DERA: variants seen among roughly 807,000 people sequenced by gnomAD.
DERA encodes 2-deoxy-D-ribose 5-phosphate aldolase.
DERA carries 15 observed loss-of-function variants against 41.1 expected under a neutral mutation model. That is an observed-to-expected ratio of 0.37 (90% CI 0.24 to 0.56). DERA has a LOEUF of 0.56. Among genes scored for constraint, DERA ranks in the 20% least tolerant of loss-of-function variants. The probability of loss-of-function intolerance (pLI) is 0.81; values close to 1 mark genes in which losing one functional copy is unlikely to be tolerated. For missense variants in DERA, 396 were observed against 403.4 expected, an observed-to-expected ratio of 0.98 and a Z score of 0.16; for synonymous variants, 139 against 137.4, an observed-to-expected ratio of 1.01 and a Z score of -0.08.
intron 1 of DERA, among the ~76,000 whole-genome samples, chr12:15,956,351 T>G (rs896645016): frequency 2.0e-5 from 3 of 152,236 alleles, no homozygotes; most frequent in Non-Finnish European, 4.4e-5. Context: ...AAATAATTTG[T>G]TTTTTCTTTT....
chr12:15,916,842 G>T (rs964491215), intron 1 of DERA, among the ~76,000 whole-genome samples: 1 of 152,100 alleles, frequency 6.6e-6, no homozygotes, highest in Non-Finnish European at 1.5e-5. Context: ...GAACTCCTGG[G>T]CTCAAGCAGT....
intron 1 of DERA, among the ~76,000 whole-genome samples, chr12:15,917,861 A>G (rs1948212023): frequency 6.6e-6 from 1 of 152,134 alleles, no homozygotes; most frequent in Non-Finnish European, 1.5e-5. Context: ...GGATAACGAT[A>G]TGAGAAGCCA....
At chr12:16,015,248 G>T (rs190142925) in intron 6 of DERA, among the ~76,000 whole-genome samples, 2 of 152,268 alleles carry the variant, frequency 1.3e-5, no homozygotes, top group African/African-American at 4.8e-5. Flanking sequence ...AGAATGATAG[G>T]GTTAGGCTTT....
rs1000920066 is a variant in DERA at position 15,976,982 on chromosome 12, A to G, written c.509-5326A>G. On this transcript the variant is annotated intron_variant, in intron 5 of 8. Coordinates refer to ENST00000428559, the MANE Select transcript of DERA (RefSeq NM_015954.4). This position sits in a 1 kb window ranked among gnomAD's most constrained non-coding sequence, Gnocchi z 4.1. ...GCAATTTAGAGATCATTTTTAGTGT[A>G]TTATACAAAATTTAGTATCTTATAT... Among the ~76,000 whole-genome samples, 3 of 152,210 alleles carry G rather than the reference A, an allele frequency of 2.0e-5. No individual in the cohort carries two copies. The highest frequency in any genetic ancestry group is 3.2e-3 in the Middle Eastern group (1 of 316).
Position 15,965,604 on chromosome 12 carries a change from C to T in DERA, c.508+2657C>T, listed in dbSNP as rs543176042. 2.0e-5 allele frequency among the ~76,000 whole-genome samples: 3 copies of T among 152,132 alleles called. No homozygotes were observed. Among genetic ancestry groups the T allele is most frequent in the African/African-American group, 7.2e-5 (3 of 41,500 alleles). ...GAGTCCACAGTTTAGGGTATGAATT[C>T]GAGGAGACTGGAGTTTGGGGGTGGG... On this transcript the variant is annotated intron_variant, in intron 5 of 8. Coordinates refer to ENST00000428559, the MANE Select transcript of DERA (RefSeq NM_015954.4). This position sits in a 1 kb window ranked among gnomAD's most constrained non-coding sequence, Gnocchi z 4.1.
At chr12:15,929,190 A>G (rs1948309661) in intron 1 of DERA, among the ~76,000 whole-genome samples, 1 of 152,226 alleles carries the variant, frequency 6.6e-6, no homozygotes, top group African/African-American at 2.4e-5. Flanking sequence ...GAGTGGGTAC[A>G]TCTAAGGACT....
chr12:15,948,211 G>T (rs780087871), intron 1 of DERA, among the ~76,000 whole-genome samples: 1 of 152,128 alleles, frequency 6.6e-6, no homozygotes, highest in Admixed American at 6.6e-5. Context: ...GAGTATCTTT[G>T]TGGCGTTCTC....
chr12:15,972,594 T>A lies in DERA; in HGVS notation c.508+9647T>A, dbSNP rs1233058890. On this transcript the variant is annotated intron_variant, in intron 5 of 8. Coordinates refer to ENST00000428559, the MANE Select transcript of DERA (RefSeq NM_015954.4). The surrounding 1 kb of genome is among the most constrained non-coding windows in gnomAD (Gnocchi z 4.4). Reference sequence around the variant, plus strand: ...ATTTTCTCCAATTCCTGCCTCATGATGTGTCCCAGGGGCATTTCACGCATA... The same window carrying A: ...ATTTTCTCCAATTCCTGCCTCATGAAGTGTCCCAGGGGCATTTCACGCATA... The A allele has an allele frequency of 5.6e-6, 1 of 177,882 alleles. No individual in the cohort carries two copies. Among genetic ancestry groups the A allele is most frequent in the Non-Finnish European group, 1.2e-5 (1 of 81,332 alleles). The allele number at this position is 177,882 out of a possible 1,614,324, so 11.0% of individuals were successfully genotyped here.
chr12:16,027,727 G>C (rs866370532), intron 6 of DERA, among the ~76,000 whole-genome samples: 19 of 152,114 alleles, frequency 1.2e-4, no homozygotes, highest in Non-Finnish European at 5.9e-5. Flanking sequence ...GTTGTTTTGA[G>C]CCACCAAGTT....
At chr12:15,971,845 G>T in intron 5 of DERA, 1 of 281,056 alleles carries the variant, frequency 3.6e-6, no homozygotes, top group Non-Finnish European at 7.2e-6. Context: ...GATAATTCAG[G>T]AACCATTGCT....
At position 15,967,448 on chromosome 12, in the gene DERA, T is replaced by G. The variant is rs753994505; in HGVS notation, c.508+4501T>G. On this transcript the variant is annotated intron_variant, in intron 5 of 8. Coordinates refer to ENST00000428559, the MANE Select transcript of DERA (RefSeq NM_015954.4). The surrounding 1 kb of genome is among the most constrained non-coding windows in gnomAD (Gnocchi z 4.9). ...AACAAACAAACAAACAAACAAAAAC[T>G]ATTAAAAAGTGTTTTCATTTCCCTG... 1.3e-5 allele frequency among the ~76,000 whole-genome samples: 2 copies of G among 152,158 alleles called. No homozygotes were observed. Among genetic ancestry groups the G allele is most frequent in the African/African-American group, 2.4e-5 (1 of 41,448 alleles).
In DERA at chr12:16,021,791, C is replaced by G. The variant is rs1335946570; in HGVS notation, c.638-10751C>G. ...TGAGGCCTATAGCGCACCCCTCCCC[C>G]TTTTTTGGCTGATTTCTCCCTTTGG... On this transcript the variant is annotated intron_variant, in intron 6 of 8. Coordinates refer to ENST00000428559, the MANE Select transcript of DERA (RefSeq NM_015954.4). This position sits in a 1 kb window ranked among gnomAD's most constrained non-coding sequence, Gnocchi z 5.3. 1.3e-5 allele frequency among the ~76,000 whole-genome samples: 2 copies of G among 152,188 alleles called. No homozygotes were observed. The highest frequency in any genetic ancestry group is 6.5e-5 in the Admixed American group (1 of 15,288).
At chr12:15,963,076 T>C in intron 5 of DERA, 129 bp downstream of exon 5, 1 of 1,298,612 alleles carries the variant, frequency 7.7e-7, no homozygotes, top group Non-Finnish European at 1.0e-6. Flanking sequence ...ATGGTGAGTT[T>C]AGGAGAAAGC....
intron 5 of DERA, among the ~76,000 whole-genome samples, chr12:15,975,835 G>A (rs896266859): frequency 5.9e-5 from 9 of 152,214 alleles, no homozygotes; most frequent in African/African-American, 1.2e-4. Context: ...TGTTTCAGGC[G>A]TATCTTTGAC....
At chr12:15,987,475 G>C (rs1470623629) in intron 6 of DERA, among the ~76,000 whole-genome samples, 1 of 151,960 alleles carries the variant, frequency 6.6e-6, no homozygotes, top group Non-Finnish European at 1.5e-5. Flanking sequence ...GACCTCAGGT[G>C]ATCCGCCTAC....
At chr12:15,934,643 A>C (rs1007576779) in intron 1 of DERA, among the ~76,000 whole-genome samples, 2 of 152,182 alleles carry the variant, frequency 1.3e-5, no homozygotes, top group African/African-American at 4.8e-5. Flanking sequence ...TAGTAAATTC[A>C]AAACAAAATG....
chr12:16,028,946 T>TA (rs1043941807), intron 6 of DERA, among the ~76,000 whole-genome samples: 32 of 152,186 alleles, frequency 2.1e-4, no homozygotes, highest in African/African-American at 4.3e-4. Flanking sequence ...TGAGTCATAC[T>TA]AAAAAAAATC....
At chr12:15,960,937 G>GC (rs1948583290) in intron 4 of DERA, among the ~76,000 whole-genome samples, 1 of 152,174 alleles carries the variant, frequency 6.6e-6, no homozygotes, top group Non-Finnish European at 1.5e-5. Context: ...AGGGCAAAGG[G>GC]GGAGATACAG....
Position 15,918,586 on chromosome 12 carries a change from GAA to G in DERA, c.31+7173_31+7174del, listed in dbSNP as rs1565582784. Among the ~76,000 whole-genome samples, 6 of 152,248 alleles carry G rather than the reference GAA, an allele frequency of 3.9e-5. No homozygotes were observed. The South Asian group carries it at 1.2e-3, about 32-fold the overall frequency. On this transcript the variant is annotated intron_variant, in intron 1 of 8. Coordinates refer to ENST00000428559, the MANE Select transcript of DERA (RefSeq NM_015954.4). This position sits in a 1 kb window ranked among gnomAD's most constrained non-coding sequence, Gnocchi z 4.3. The stretch of plus-strand genomic sequence containing the variant: ...TAATTTTTAAAATGTAAATATATAA[GAA>G]TATTTTAAAAACCTTTATGTGGAGT...
Sources: allele counts gnomAD v4.1 joint callset (sites outside exome capture counted in the v4.1 genomes callset), GRCh38; gene constraint gnomAD v4.1.1; non-coding constraint Gnocchi (gnomAD v3.1); transcripts MANE v1.5; gene names NCBI Gene and HGNC (gene_info 2026-07-23, HGNC 2026-07-21).